The following TCF20 variants were observed in gnomAD, a reference collection of about 807,000 sequenced individuals.
TCF20 encodes transcription factor 20.
A neutral mutation model predicts 148.6 loss-of-function variants in TCF20; 3 were observed. That is an observed-to-expected ratio of 0.02 (90% CI 0.01 to 0.05). The LOEUF is 0.05. Ranked by LOEUF, TCF20 falls within the 10% of genes least tolerant of loss-of-function variation. The pLI is 1.00. For missense variants in TCF20, 2,350 were observed against 2,429.3 expected, an observed-to-expected ratio of 0.97 and a Z score of 0.69; for synonymous variants, 1,049 against 909.5, an observed-to-expected ratio of 1.15 and a Z score of -2.76.
chr22:42,315,331 G>A (rs1569207619), intron 1 of TCF20, among the ~76,000 whole-genome samples: 1 of 152,192 alleles, frequency 6.6e-6, no homozygotes, highest in Non-Finnish European at 1.5e-5. Context: ...TCCATCTGGG[G>A]TCCTCATGGC....
chr22:42,274,750 C>G (rs1172211175), upstream of TCF20: 1 of 152,218 alleles, frequency 6.6e-6, no homozygotes, highest in Non-Finnish European at 1.5e-5. Context: ...ATCCATCTCT[C>G]CCCCTGGACT....
At chr22:42,280,871 GTAT>G (rs1243716287) in intron 1 of TCF20, among the ~76,000 whole-genome samples, 1 of 152,176 alleles carries the variant, frequency 6.6e-6, no homozygotes, top group East Asian at 1.9e-4. Context: ...TGTGATGTAG[GTAT>G]TATTATTACC....
chr22:42,240,791 A>C (rs1247264970), intron 1 of TCF20, among the ~76,000 whole-genome samples: 1 of 152,178 alleles, frequency 6.6e-6, no homozygotes, highest in South Asian at 2.1e-4. Context: ...AGTAGAAGTA[A>C]ATAAGCCCTC....
intron 3 of TCF20, among the ~76,000 whole-genome samples, chr22:42,171,445 A>G (rs9607882): frequency 0.18 from 27,200 of 152,086 alleles, 2,724 homozygotes; most frequent in East Asian, 0.34. Context: ...AACAAATCAA[A>G]AAGACCCTTT....
At chr22:42,198,381 G>GT (rs1304657628) in intron 2 of TCF20, among the ~76,000 whole-genome samples, 2 of 152,174 alleles carry the variant, frequency 1.3e-5, no homozygotes, top group Non-Finnish European at 2.9e-5. Flanking sequence ...TTCAGTACAT[G>GT]TTAGCAGTCA....
At chr22:42,264,780 G>C (rs866982107) in intron 1 of TCF20, among the ~76,000 whole-genome samples, 2 of 152,198 alleles carry the variant, frequency 1.3e-5, no homozygotes, top group South Asian at 4.1e-4. Flanking sequence ...TCTGTCTCCA[G>C]AGTAGGCTCT....
chr22:42,255,251 C>T (rs1250442930), intron 1 of TCF20, among the ~76,000 whole-genome samples: 1 of 151,934 alleles, frequency 6.6e-6, no homozygotes, highest in Non-Finnish European at 1.5e-5. Flanking sequence ...CTTTGGGAGG[C>T]CAAGGCGGGC....
rs1303436985 is a variant in TCF20, at chr22:42,214,148, T to C, written c.1158A>G (p.Pro386=). 11 of 1,614,034 alleles carry C rather than the reference T, an allele frequency of 6.8e-6. No individual in the cohort carries two copies. Among genetic ancestry groups the C allele is most frequent in the African/African-American group, 1.3e-5 (1 of 74,974 alleles). The change falls in exon 2 of 6, where the codon CCA becomes CCG. Residue 386 remains proline (P), a synonymous_variant. Transcript: ENST00000677622. ...TCTCCCCAGTCTGCATGAGAGGAGA[T>C]GGGGTAGAACTACAGCTTGGAGACT... is the stretch of plus-strand genomic sequence containing the variant. ...VVQSPSCSST[P]SPLMQTGENL... is the part of the protein sequence containing the mutation.
intron 2 of TCF20, among the ~76,000 whole-genome samples, chr22:42,207,322 C>T (rs950498823): frequency 6.6e-6 from 1 of 151,660 alleles, no homozygotes; most frequent in African/African-American, 2.4e-5. Flanking sequence ...CATCTCTAGA[C>T]AGGAAATCTC....
At chr22:42,239,049 C>T (rs1317645219) in intron 1 of TCF20, among the ~76,000 whole-genome samples, 1 of 151,540 alleles carries the variant, frequency 6.6e-6, no homozygotes, top group African/African-American at 2.4e-5. Context: ...ACGCGGCAGG[C>T]AGAGCTTGCA....
At position 42,297,154 on chromosome 22, in the gene TCF20, C is replaced by T. The variant is rs189422755; in HGVS notation, c.-37+46325G>A. ...GTTCAGGCAGGCCTCAGTGCCCATA[C>T]CCACAATGGATGGCCCAGCTGGGCG... On this transcript the variant is annotated intron_variant, in intron 1 of 1. Transcript: ENST00000515426. This position sits in a 1 kb window ranked among gnomAD's most constrained non-coding sequence, Gnocchi z 4.3. Among the ~76,000 whole-genome samples, 1 of 152,216 alleles carries T rather than the reference C, an allele frequency of 6.6e-6. No homozygotes were observed. The highest frequency in any genetic ancestry group is 1.5e-5 in the Non-Finnish European group (1 of 68,032).
At chr22:42,259,248 T>C (rs1925907135) in intron 1 of TCF20, among the ~76,000 whole-genome samples, 1 of 152,212 alleles carries the variant, frequency 6.6e-6, no homozygotes, top group African/African-American at 2.4e-5. Context: ...GCACTTGTCA[T>C]TGTTAGCAAG....
intron 1 of TCF20, among the ~76,000 whole-genome samples, chr22:42,217,669 A>G (rs1487840165): frequency 2.0e-5 from 3 of 152,198 alleles, no homozygotes; most frequent in African/African-American, 7.2e-5. Flanking sequence ...GTGACATGAG[A>G]GAATTATAGA....
chr22:42,258,133 A>C (rs1488526732), intron 1 of TCF20, among the ~76,000 whole-genome samples: 1 of 152,220 alleles, frequency 6.6e-6, no homozygotes. Flanking sequence ...AATCCCAGGA[A>C]GTAGAAAGCT....
At chr22:42,185,508 T>C (rs948879938) in intron 2 of TCF20, among the ~76,000 whole-genome samples, 10 of 152,164 alleles carry the variant, frequency 6.6e-5, no homozygotes, top group African/African-American at 2.4e-4. Flanking sequence ...TATGTGTTCA[T>C]TTTTGGCCAC....
intron 2 of TCF20, among the ~76,000 whole-genome samples, chr22:42,198,961 T>G (rs1937786036): frequency 6.6e-6 from 1 of 152,100 alleles, no homozygotes; most frequent in Non-Finnish European, 1.5e-5. Context: ...CACTGCGCCC[T>G]GCCCCCTCCA....
chr22:42,175,655 G>T (rs1346163225), intron 3 of TCF20, among the ~76,000 whole-genome samples: 1 of 151,870 alleles, frequency 6.6e-6, no homozygotes, highest in Non-Finnish European at 1.5e-5. Flanking sequence ...GTTAGCTCTT[G>T]AAAGAGAAGG....
chr22:42,224,934 T>C (rs5751245), intron 1 of TCF20, among the ~76,000 whole-genome samples: 44,531 of 151,520 alleles, frequency 0.29, 6,860 homozygotes, highest in East Asian at 0.37. Context: ...AAGATGGCAG[T>C]GTTGTGGAAG....
intron 1 of TCF20, among the ~76,000 whole-genome samples, chr22:42,320,626 G>A (rs7286414): frequency 0.22 from 33,946 of 152,072 alleles, 4,624 homozygotes; most frequent in Middle Eastern, 0.38. Flanking sequence ...CTGTATCTCC[G>A]GGCTGTGTAC....
Sources: allele counts gnomAD v4.1 joint callset (sites outside exome capture counted in the v4.1 genomes callset), GRCh38; gene constraint gnomAD v4.1.1; non-coding constraint Gnocchi (gnomAD v3.1); transcripts MANE v1.5; gene names NCBI Gene and HGNC (gene_info 2026-07-23, HGNC 2026-07-21).